FANK1: variants seen among roughly 807,000 people sequenced by gnomAD.
The protein encoded by FANK1 is fibronectin type III and ankyrin repeat domains 1.
FANK1 carries 44 observed loss-of-function variants against 45.3 expected under a neutral mutation model. The ratio of observed to expected loss-of-function variants is 0.97; its 90% CI spans 0.76 to 1.25. The LOEUF (loss-of-function observed/expected upper bound fraction) is 1.25, where lower values mean the gene tolerates loss of function less well. Among genes scored for constraint, FANK1 ranks in the 50% most tolerant of loss-of-function variants. The pLI, the probability that FANK1 is intolerant of heterozygous loss-of-function variation, is 0.00. For synonymous variants in FANK1, 149 were observed against 152.5 expected (o/e 0.98, Z 0.17); for missense variants, 391 against 424.4 (o/e 0.92, Z 0.69).
intron 1 of FANK1, among the ~76,000 whole-genome samples, chr10:125,954,816 G>T (rs1233063470): frequency 2.0e-5 from 3 of 152,084 alleles, no homozygotes; most frequent in Non-Finnish European, 4.4e-5. Context: ...AGCTACTTGG[G>T]AGGCTGAGGT....
chr10:125,980,612 AT>A (rs1951140223), intron 2 of FANK1: 1 of 360,362 alleles, frequency 2.8e-6, no homozygotes, highest in Non-Finnish European at 5.1e-6. Context: ...GACTCAAACA[AT>A]AGCTTGATGC....
chr10:125,944,132 G>C (rs924857565), intron 1 of FANK1, among the ~76,000 whole-genome samples: 2 of 152,192 alleles, frequency 1.3e-5, no homozygotes, highest in African/African-American at 4.8e-5. Flanking sequence ...AAGTTGGTTT[G>C]CTGTAGAACA....
At chr10:125,965,233 C>T (rs1950144010) in intron 1 of FANK1, among the ~76,000 whole-genome samples, 1 of 152,192 alleles carries the variant, frequency 6.6e-6, no homozygotes, top group African/African-American at 2.4e-5. Context: ...TTTTGATTTT[C>T]AGTGAGGTTG....
chr10:125,962,689 G>A (rs1177920870), intron 1 of FANK1, among the ~76,000 whole-genome samples: 2 of 151,668 alleles, frequency 1.3e-5, no homozygotes, highest in Non-Finnish European at 2.9e-5. Context: ...TTATCTTCTC[G>A]AAGACAGTGT....
intron 1 of FANK1, among the ~76,000 whole-genome samples, chr10:125,916,718 A>G (rs1019393283): frequency 7.9e-5 from 12 of 152,220 alleles, no homozygotes; most frequent in South Asian, 4.1e-4. Flanking sequence ...GAAATAAACC[A>G]GTCACCAAAG....
intron 1 of FANK1, among the ~76,000 whole-genome samples, chr10:125,923,232 G>A (rs1444387814): frequency 1.3e-5 from 2 of 151,782 alleles, no homozygotes; most frequent in Non-Finnish European, 2.9e-5. Flanking sequence ...GCTCAGGTGG[G>A]AGGACCACTT....
chr10:125,951,140 G>T (rs1336693244), intron 1 of FANK1, among the ~76,000 whole-genome samples: 1 of 149,860 alleles, frequency 6.7e-6, no homozygotes, highest in Non-Finnish European at 1.5e-5. Flanking sequence ...TATACCTAAT[G>T]CTAGATGACG....
At chr10:125,937,712 C>G (rs533943755) in intron 1 of FANK1, among the ~76,000 whole-genome samples, 103 of 151,740 alleles carry the variant, frequency 6.8e-4, no homozygotes, top group Non-Finnish European at 1.3e-3. Flanking sequence ...ATGTATATAC[C>G]TTTTGTGCAT....
At chr10:125,957,487 G>A (rs1428166195) in intron 1 of FANK1, among the ~76,000 whole-genome samples, 1 of 151,754 alleles carries the variant, frequency 6.6e-6, no homozygotes, top group Non-Finnish European at 1.5e-5. Context: ...TTAGCGATGA[G>A]CTCTCTCAGC....
intron 6 of FANK1, among the ~76,000 whole-genome samples, chr10:126,002,620 A>G (rs181662417): frequency 1.7e-4 from 26 of 152,276 alleles, no homozygotes; most frequent in East Asian, 1.9e-4. Context: ...ACGTTTCCCT[A>G]TTGAGAAGAT....
intron 1 of FANK1, among the ~76,000 whole-genome samples, chr10:125,960,999 G>C (rs1479337643): frequency 6.6e-6 from 1 of 152,190 alleles, no homozygotes; most frequent in African/African-American, 2.4e-5. Context: ...CTACAAAGCT[G>C]TAGTAATGAA....
chr10:125,903,367 T>G (rs1206452194), intron 1 of FANK1, among the ~76,000 whole-genome samples: 1 of 152,192 alleles, frequency 6.6e-6, no homozygotes, highest in Non-Finnish European at 1.5e-5. Flanking sequence ...TCTTGGGTAT[T>G]TTTCTTAAGG....
intron 3 of FANK1, chr10:125,994,789 T>A: frequency 1.0e-6 from 1 of 985,344 alleles, no homozygotes; most frequent in Non-Finnish European, 1.2e-6. Context: ...GTACAAAGGA[T>A]GCCCTCCTCC....
intron 2 of FANK1, among the ~76,000 whole-genome samples, chr10:125,982,698 A>G (rs1394779306): frequency 6.6e-6 from 1 of 152,222 alleles, no homozygotes; most frequent in African/African-American, 2.4e-5. Context: ...GTCTATCTGG[A>G]AACAATGATA....
At chr10:125,951,383 A>C (rs1161633284) in intron 1 of FANK1, among the ~76,000 whole-genome samples, 1 of 152,130 alleles carries the variant, frequency 6.6e-6, no homozygotes, top group Non-Finnish European at 1.5e-5. Flanking sequence ...GATTCTCTGT[A>C]AATAGGAATC....
At chr10:125,922,318 C>G (rs1040163525) in intron 1 of FANK1, among the ~76,000 whole-genome samples, 1 of 152,076 alleles carries the variant, frequency 6.6e-6, no homozygotes, top group Admixed American at 6.5e-5. Flanking sequence ...TTTTATGACC[C>G]AGAATATGAT....
At chr10:125,977,568 TG>T (rs1282718713) in intron 1 of FANK1, among the ~76,000 whole-genome samples, 1 of 152,106 alleles carries the variant, frequency 6.6e-6, no homozygotes, top group African/African-American at 2.4e-5. Context: ...ACTGCAGCTC[TG>T]GGGTGATCTC....
chr10:126,009,074 T>C lies in FANK1; in HGVS notation c.870T>C (p.His290=), dbSNP rs1327630143. ...TCTAGGTGGCTGTGTTAAATAATCA[T>C]GAAGAGTTAGTTCAGTTACTTCTTG... ...TPLMVAVLNN[H]EELVQLLLDK... is the part of the protein sequence containing the mutation. Residue 290 remains histidine (H), a synonymous_variant, in exon 9 of 11, where the codon CAT becomes CAC. Coordinates refer to ENST00000368693, the MANE Select transcript of FANK1 (RefSeq NM_145235.5). 1.2e-6 allele frequency: 2 copies of C among 1,614,060 alleles called. No homozygotes were observed. The highest frequency in any genetic ancestry group is 2.7e-5 in the African/African-American group (2 of 74,930).
At chr10:125,929,469 C>T (rs773323496) in intron 1 of FANK1, among the ~76,000 whole-genome samples, 3 of 152,178 alleles carry the variant, frequency 2.0e-5, no homozygotes, top group Non-Finnish European at 2.9e-5. Flanking sequence ...AGTGAAACTT[C>T]GGAGAAAGCA....
Sources: allele counts gnomAD v4.1 joint callset (sites outside exome capture counted in the v4.1 genomes callset), GRCh38; gene constraint gnomAD v4.1.1; transcripts MANE v1.5; gene names NCBI Gene and HGNC (gene_info 2026-07-23, HGNC 2026-07-21).